PCDH15: variants seen among roughly 807,000 people sequenced by gnomAD.
PCDH15 encodes the protein protocadherin-15.
A neutral mutation model predicts 178.5 loss-of-function variants in PCDH15; 129 were observed. That is an observed-to-expected ratio of 0.72 (90% CI 0.63 to 0.84). The LOEUF (loss-of-function observed/expected upper bound fraction) is 0.84. Among genes scored for constraint, PCDH15 ranks in the 40% least tolerant of loss-of-function variants. The pLI, the probability that PCDH15 is intolerant of heterozygous loss-of-function variation, is 0.00. For missense variants in PCDH15, 2,230 were observed against 2,099.9 expected (o/e 1.06, Z -1.21); for synonymous variants, 800 against 732.0 (o/e 1.09, Z -1.50).
intron 2 of PCDH15, among the ~76,000 whole-genome samples, chr10:54,647,096 T>C (rs1012431540): frequency 4.6e-5 from 7 of 152,092 alleles, no homozygotes; most frequent in African/African-American, 4.8e-5. Context: ...TAACTTTTCA[T>C]TGACAGATGA....
Position 53,932,588 on chromosome 10 carries a change from G to C in PCDH15, c.3373+6227C>G, listed in dbSNP as rs148561672. Among the ~76,000 whole-genome samples the C allele has an allele frequency of 5.1e-3, 781 of 152,262 alleles. 3 individuals are homozygous for C. Among genetic ancestry groups the C allele is most frequent in the African/African-American group, 0.016 (653 of 41,548 alleles). On this transcript the variant is annotated intron_variant, in intron 25 of 37. Coordinates refer to ENST00000644397, the MANE Select transcript of PCDH15 (RefSeq NM_001384140.1). ...CCCAGCCATTGTATTTTGGGGAAAA[G>C]TATACTGTTGAAGTGAATTCAAGTA...
intron 13 of PCDH15, among the ~76,000 whole-genome samples, chr10:54,162,977 C>G (rs2045866646): frequency 6.9e-6 from 1 of 145,602 alleles, no homozygotes; most frequent in African/African-American, 2.5e-5. Flanking sequence ...GAAATATAAA[C>G]AAACGTTTAT....
intron 3 of PCDH15, among the ~76,000 whole-genome samples, chr10:54,480,494 A>G (rs951529623): frequency 5.3e-5 from 8 of 152,062 alleles, no homozygotes; most frequent in African/African-American, 1.9e-4. Context: ...TCTGAAAAAA[A>G]GTGTTATTTG....
intron 8 of PCDH15, among the ~76,000 whole-genome samples, chr10:54,254,846 A>G (rs2056775701): frequency 6.6e-6 from 1 of 152,124 alleles, no homozygotes; most frequent in Non-Finnish European, 1.5e-5. Flanking sequence ...GACATTCTTG[A>G]TATTTGCCCA....
rs893403533 is a variant in PCDH15, at chr10:54,325,219, A to G, written c.705+4377T>C. Among the ~76,000 whole-genome samples, 7 of 152,150 alleles carry G rather than the reference A, an allele frequency of 4.6e-5. No individual in the cohort carries two copies. The East Asian group carries it at 1.2e-3, about 25-fold the overall frequency. On this transcript the variant is annotated intron_variant, in intron 7 of 37. Transcript: ENST00000644397. ...AACACGGATAAAAAGAAACCTCCAA[A>G]CTACATGTAATTTGAAGGATTCTCT...
chr10:54,125,243 T>C (rs2041893396), intron 15 of PCDH15, among the ~76,000 whole-genome samples: 1 of 152,118 alleles, frequency 6.6e-6, no homozygotes, highest in South Asian at 2.1e-4. Flanking sequence ...TATTTGTCTC[T>C]GAGCTGTTAT....
At chr10:54,973,467 T>A (rs1838987402) in intron 2 of PCDH15, among the ~76,000 whole-genome samples, 1 of 152,232 alleles carries the variant, frequency 6.6e-6, no homozygotes, top group Non-Finnish European at 1.5e-5. Context: ...ACACTGGTAA[T>A]TTGCTACTAT....
At chr10:55,088,557 A>C (rs1394180112) in intron 2 of PCDH15, among the ~76,000 whole-genome samples, 1 of 152,114 alleles carries the variant, frequency 6.6e-6, no homozygotes, top group East Asian at 1.9e-4. Context: ...TACAGGCATG[A>C]GCCACCCCTC....
intron 9 of PCDH15, among the ~76,000 whole-genome samples, chr10:54,223,716 T>C (rs917475683): frequency 3.3e-5 from 5 of 151,892 alleles, no homozygotes; most frequent in Non-Finnish European, 7.4e-5. Flanking sequence ...CAATAATTTT[T>C]ATTTAGAGCA....
chr10:53,883,156 TAC>T (rs1167797361), intron 26 of PCDH15, among the ~76,000 whole-genome samples: 1 of 111,248 alleles, frequency 9.0e-6, no homozygotes, highest in Non-Finnish European at 1.7e-5. Flanking sequence ...CACACATATA[TAC>T]ACACATATGC....
intron 2 of PCDH15, among the ~76,000 whole-genome samples, chr10:55,344,091 C>T (rs763050825): frequency 2.6e-5 from 4 of 151,874 alleles, no homozygotes; most frequent in Non-Finnish European, 4.4e-5. Flanking sequence ...CATAGAGATA[C>T]CAGGCAGAAA....
At chr10:55,230,331 T>C (rs1234242522) in intron 1 of PCDH15, among the ~76,000 whole-genome samples, 5 of 152,080 alleles carry the variant, frequency 3.3e-5, no homozygotes, top group Admixed American at 3.3e-4. Context: ...GTGACATACA[T>C]ATATTAACAC....
intron 2 of PCDH15, among the ~76,000 whole-genome samples, chr10:55,405,966 A>C (rs1838188189): frequency 1.3e-5 from 2 of 151,920 alleles, no homozygotes; most frequent in Non-Finnish European, 2.9e-5. Flanking sequence ...TCAAGTAATC[A>C]GAGTCAGTGT....
chr10:55,179,515 C>T (rs570326577), intron 1 of PCDH15, among the ~76,000 whole-genome samples: 7 of 151,982 alleles, frequency 4.6e-5, no homozygotes, highest in African/African-American at 1.7e-4. Context: ...CAAACTTTTT[C>T]CAAGCCTGCT....
chr10:54,553,450 A>C (rs2086837379), intron 2 of PCDH15, among the ~76,000 whole-genome samples: 1 of 152,078 alleles, frequency 6.6e-6, no homozygotes, highest in Admixed American at 6.6e-5. Flanking sequence ...TTTTTCTGTG[A>C]TCTGTTTAGA....
chr10:54,580,620 C>T (rs75362762), intron 2 of PCDH15, among the ~76,000 whole-genome samples: 2 of 151,902 alleles, frequency 1.3e-5, no homozygotes, highest in Non-Finnish European at 2.9e-5. Context: ...ACCCTGATAC[C>T]AAAACCTGGC....
chr10:53,880,120 A>G (rs1002393812), intron 26 of PCDH15, among the ~76,000 whole-genome samples: 2 of 152,202 alleles, frequency 1.3e-5, no homozygotes, highest in African/African-American at 4.8e-5. Flanking sequence ...TAATTTCTGA[A>G]AATTTTACTG....
At chr10:53,846,539 T>C (rs1384821512) in intron 28 of PCDH15, among the ~76,000 whole-genome samples, 4 of 151,418 alleles carry the variant, frequency 2.6e-5, no homozygotes, top group African/African-American at 9.7e-5. Flanking sequence ...TGATTTTTTT[T>C]CCTATGCAGA....
chr10:53,877,488 C>A (rs1290641926), intron 26 of PCDH15, among the ~76,000 whole-genome samples: 2 of 152,138 alleles, frequency 1.3e-5, no homozygotes, highest in African/African-American at 4.8e-5. Context: ...TTATCTTTTA[C>A]AATAATTCTG....
Sources: gnomAD v4.1 joint callset for allele counts (sites outside exome capture counted in the v4.1 genomes callset) on GRCh38, gnomAD v4.1.1 for gene constraint, MANE v1.5 for transcripts, NCBI Gene and HGNC (gene_info 2026-07-23, HGNC 2026-07-21) for gene names.